TNFSF8: variants seen among roughly 807,000 people sequenced by gnomAD.
TNFSF8 encodes tumor necrosis factor ligand superfamily member 8.
TNFSF8 carries 4 observed loss-of-function variants against 22.0 expected under a neutral mutation model. The observed-to-expected ratio is 0.18, with a 90% CI of 0.09 to 0.42. The LOEUF (loss-of-function observed/expected upper bound fraction) is 0.42, where lower values mean the gene tolerates loss of function less well. TNFSF8 is among the 10% of genes least tolerant of loss of function. TNFSF8 has a pLI of 1.00. For missense variants in TNFSF8, 233 were observed against 281.8 expected (o/e 0.83, Z 1.24); for synonymous variants, 106 against 112.5 (o/e 0.94, Z 0.37).
chr9:114,911,405 A>G (rs1271785400), intron 2 of TNFSF8, among the ~76,000 whole-genome samples: 1 of 152,234 alleles, frequency 6.6e-6, no homozygotes, highest in Non-Finnish European at 1.5e-5. Context: ...TCTAGAGGAC[A>G]GTCTCTCCCC....
intron 1 of TNFSF8, among the ~76,000 whole-genome samples, chr9:114,923,289 A>G (rs1828011830): frequency 6.6e-6 from 1 of 151,906 alleles, no homozygotes; most frequent in African/African-American, 2.4e-5. Flanking sequence ...TCCAATGGGG[A>G]GCTCTTCTCT....
rs192561527 is a variant in TNFSF8, at chr9:114,904,420, C to A, written c.311-95G>T. The A allele has an allele frequency of 1.0e-5, 15 of 1,481,466 alleles. No individual in the cohort carries two copies. In the African/African-American group the frequency reaches 1.6e-4, roughly 15 times the overall value. The allele number at this position is 1,481,466 out of a possible 1,614,324, so 91.8% of individuals were successfully genotyped here. On this transcript the variant is annotated intron_variant, in intron 3 of 3. Coordinates refer to ENST00000223795, the MANE Select transcript of TNFSF8 (RefSeq NM_001244.4). ...TTTGTTCAAAGTTTCCCATTCAAGA[C>A]CCATGTTTTCTGTAATGTTCCAATC...
intron 1 of TNFSF8, among the ~76,000 whole-genome samples, chr9:114,922,063 A>T (rs1257139081): frequency 6.9e-6 from 1 of 144,240 alleles, no homozygotes; most frequent in Non-Finnish European, 1.6e-5. Flanking sequence ...CTAATCATCC[A>T]TCTTTCCACT....
chr9:114,898,205 T>C (rs1486683815), downstream of TNFSF8, among the ~76,000 whole-genome samples: 2 of 152,098 alleles, frequency 1.3e-5, no homozygotes, highest in South Asian at 2.1e-4. Context: ...GGTTTCACTA[T>C]GTTGGCCAGA....
In TNFSF8 at chr9:114,912,546, T is replaced by C. The variant is rs368809414; in HGVS notation, c.238+5550A>G. On this transcript the variant is annotated intron_variant, in intron 2 of 3. Coordinates refer to ENST00000223795, the MANE Select transcript of TNFSF8 (RefSeq NM_001244.4). Reference sequence around the variant, plus strand: ...CTGGGACTACAGGCGTGTGCCACCATGCCCAGCTAATTTTTGTATTTTTTT... The same window carrying C: ...CTGGGACTACAGGCGTGTGCCACCACGCCCAGCTAATTTTTGTATTTTTTT... Among the ~76,000 whole-genome samples, 20 of 152,010 alleles carry C rather than the reference T, an allele frequency of 1.3e-4. No homozygotes were observed. In the East Asian group the frequency reaches 3.1e-3, roughly 24 times the overall value.
At chr9:114,929,559 G>C (rs553470981) in intron 1 of TNFSF8, among the ~76,000 whole-genome samples, 76 of 152,042 alleles carry the variant, frequency 5.0e-4, no homozygotes, top group African/African-American at 1.7e-3. Flanking sequence ...CAAAACTCTT[G>C]GCAATGGGTG....
intron 4 of TNFSF8, among the ~76,000 whole-genome samples, chr9:114,895,268 G>C (rs768732332): frequency 6.6e-6 from 1 of 152,158 alleles, no homozygotes; most frequent in Non-Finnish European, 1.5e-5. Context: ...TTTGGAGATG[G>C]ATTCTTCTTG....
chr9:114,896,866 A>T (rs1827660584), downstream of TNFSF8, among the ~76,000 whole-genome samples: 1 of 152,060 alleles, frequency 6.6e-6, no homozygotes, highest in Non-Finnish European at 1.5e-5. Flanking sequence ...TTTCTCTAAT[A>T]GGCATTCTTA....
intron 1 of TNFSF8, among the ~76,000 whole-genome samples, chr9:114,928,533 C>G (rs1006994907): frequency 6.6e-6 from 1 of 152,192 alleles, no homozygotes; most frequent in Non-Finnish European, 1.5e-5. Context: ...ATCTCTCTCT[C>G]TCTCTCAGCA....
intron 1 of TNFSF8, among the ~76,000 whole-genome samples, chr9:114,922,041 G>A (rs1827995274): frequency 6.6e-6 from 1 of 151,768 alleles, no homozygotes; most frequent in East Asian, 1.9e-4. Context: ...CCTTTAATCA[G>A]TGGTTAGATG....
intron 2 of TNFSF8, among the ~76,000 whole-genome samples, chr9:114,912,632 AC>A (rs776565465): frequency 1.3e-5 from 2 of 151,972 alleles, no homozygotes; most frequent in South Asian, 4.2e-4. Context: ...CTTGTGATCC[AC>A]CCGCCTCAGC....
intron 2 of TNFSF8, among the ~76,000 whole-genome samples, chr9:114,907,382 G>T (rs1036158910): frequency 1.3e-5 from 2 of 152,086 alleles, no homozygotes; most frequent in African/African-American, 4.8e-5. Context: ...CACACTCTTG[G>T]GGTTTGTAGT....
intron 2 of TNFSF8, among the ~76,000 whole-genome samples, chr9:114,914,449 C>T (rs943716366): frequency 2.0e-5 from 3 of 152,158 alleles, no homozygotes; most frequent in Non-Finnish European, 2.9e-5. Context: ...AAACCATGTG[C>T]AGACATGAGA....
Position 114,904,242 on chromosome 9 carries a change from C to T in TNFSF8, c.394G>A (p.Val132Met). 1.2e-6 allele frequency: 2 copies of T among 1,614,098 alleles called. No individual in the cohort carries two copies. Among genetic ancestry groups the T allele is most frequent in the Non-Finnish European group, 1.7e-6 (2 of 1,179,980 alleles). Reference sequence around the variant, plus strand: ...AAGTACAAACCAGGGAATTGGATCACCAGATTCCCATCCTGATATCTGACT... The same window carrying T: ...AAGTACAAACCAGGGAATTGGATCATCAGATTCCCATCCTGATATCTGACT... ...HGVRYQDGNL[V>M]IQFPGLYFII... is the part of the protein sequence containing the mutation. The change falls in exon 4 of 4, where the codon GTG becomes ATG. Residue 132 changes from valine (V) to methionine (M), a missense_variant. Transcript: ENST00000223795.
chr9:114,925,184 A>G (rs1229731977), intron 1 of TNFSF8, among the ~76,000 whole-genome samples: 2 of 152,164 alleles, frequency 1.3e-5, no homozygotes, highest in African/African-American at 4.8e-5. Context: ...TACGGACAGA[A>G]ATGATCTCAT....
chr9:114,924,498 A>T (rs1241782728), intron 1 of TNFSF8, among the ~76,000 whole-genome samples: 1 of 152,204 alleles, frequency 6.6e-6, no homozygotes, highest in South Asian at 2.1e-4. Context: ...ACTGAAGTAC[A>T]TGTGAGTGAA....
In TNFSF8 at chr9:114,905,893, C is replaced by A. The variant is rs1827778588; in HGVS notation, c.245G>T (p.Cys82Phe). 5 of 1,610,100 alleles carry A rather than the reference C, an allele frequency of 3.1e-6. No individual in the cohort carries two copies. The highest frequency in any genetic ancestry group is 4.2e-6 in the Non-Finnish European group (5 of 1,176,584). Reference sequence around the variant, plus strand: ...CAGGATACATAAGAGGTCTTCTGAGCAATTTCCTAAAAATAAGGAGACGAT... The same window carrying A: ...CAGGATACATAAGAGGTCTTCTGAGAAATTTCCTAAAAATAAGGAGACGAT... ...PDNVPLKGGN[C>F]SEDLLCILKR... Residue 82 changes from cysteine (C) to phenylalanine (F), a missense_variant, in exon 3 of 4, where the codon TGC becomes TTC. Cys to Phe is a radical substitution (Grantham distance 205). Coordinates refer to ENST00000223795, the MANE Select transcript of TNFSF8 (RefSeq NM_001244.4).
intron 2 of TNFSF8, among the ~76,000 whole-genome samples, chr9:114,915,545 G>A (rs7028089): frequency 0.18 from 26,652 of 152,138 alleles, 6,047 homozygotes; most frequent in African/African-American, 0.53. Flanking sequence ...GGCATCTCAT[G>A]GTGGAAGCCG....
chr9:114,923,233 T>C (rs1828011184), intron 1 of TNFSF8, among the ~76,000 whole-genome samples: 1 of 152,150 alleles, frequency 6.6e-6, no homozygotes, highest in Non-Finnish European at 1.5e-5. Flanking sequence ...CTTTCTCTTT[T>C]GCCTCACCTG....
Sources: gnomAD v4.1 joint callset for allele counts (sites outside exome capture counted in the v4.1 genomes callset) on GRCh38, gnomAD v4.1.1 for gene constraint, MANE v1.5 for transcripts, NCBI Gene and HGNC (gene_info 2026-07-23, HGNC 2026-07-21) for gene names.